STARD9: variants seen among roughly 807,000 people sequenced by gnomAD.
STARD9 encodes the protein stAR-related lipid transfer protein 9.
STARD9 carries 346 observed loss-of-function variants against 399.8 expected under a neutral mutation model. The observed-to-expected ratio is 0.87, with a 90% CI of 0.79 to 0.95. STARD9 has a LOEUF of 0.95. Ranked by LOEUF, STARD9 falls within the 40% of genes least tolerant of loss-of-function variation. STARD9 has a pLI of 0.00. For missense variants in STARD9, 5,832 were observed against 5,667.5 expected, an observed-to-expected ratio of 1.03 and a Z score of -0.93; for synonymous variants, 2,203 against 2,143.5, an observed-to-expected ratio of 1.03 and a Z score of -0.77.
intron 9 of STARD9, among the ~76,000 whole-genome samples, chr15:42,653,549 A>G (rs1201914646): frequency 1.3e-5 from 2 of 152,230 alleles, no homozygotes; most frequent in African/African-American, 2.4e-5. Context: ...CTTATACAGT[A>G]GAACAATTAC....
At position 42,717,027 on chromosome 15, in the gene STARD9, C is replaced by T. The variant is rs778775837; in HGVS notation, c.13473C>T (p.Val4491=). 5.9e-6 allele frequency: 9 copies of T among 1,537,064 alleles called. No homozygotes were observed. The highest frequency in any genetic ancestry group is 3.6e-5 in the South Asian group (3 of 84,050). ...CCTACCAGGATTTGGCCAAGCATGT[C>T]GTGGACACTTCTATGGCTGATGTGA... The part of the protein sequence containing the change: ...SSSYQDLAKH[V]VDTSMADVMA... Residue 4491 remains valine, a synonymous_variant, in exon 28 of 33, where the codon GTC becomes GTT. Coordinates refer to ENST00000290607, the MANE Select transcript of STARD9 (RefSeq NM_020759.3).
At chr15:42,645,897 T>C (rs1170280373) in intron 7 of STARD9, among the ~76,000 whole-genome samples, 1 of 151,902 alleles carries the variant, frequency 6.6e-6, no homozygotes, top group Non-Finnish European at 1.5e-5. Context: ...TGGTGGCTCA[T>C]GCCTGTAATC....
Position 42,684,858 on chromosome 15 carries a change from A to G in STARD9, c.3280A>G (p.Arg1094Gly), listed in dbSNP as rs566007951. 10 of 1,537,076 alleles carry G rather than the reference A, an allele frequency of 6.5e-6. No individual in the cohort carries two copies. In the African/African-American group the frequency reaches 8.2e-5, roughly 13 times the overall value. The change falls in exon 23 of 33, where the codon AGA becomes GGA. Residue 1094 changes from arginine to glycine, a missense_variant. By Grantham distance (125) the Arg-to-Gly change is moderately radical. Coordinates refer to ENST00000290607, the MANE Select transcript of STARD9 (RefSeq NM_020759.3). The stretch of plus-strand genomic sequence containing the variant: ...TTTCAGCCCAGTAATGGATCATTCA[A>G]GAGAAAAAGACAATGATTTATCTGA... Reference protein sequence around the residue: ...TDFSPVMDHSREKDNDLSDTD... With the variant: ...TDFSPVMDHSGEKDNDLSDTD...
intron 26 of STARD9, among the ~76,000 whole-genome samples, chr15:42,697,711 G>A (rs567440386): frequency 4.7e-4 from 71 of 152,266 alleles, no homozygotes; most frequent in African/African-American, 1.7e-3. Context: ...CCTTCAGGCC[G>A]TGTGTATAAG....
At chr15:42,576,536 G>A (rs1039205994) in intron 1 of STARD9, among the ~76,000 whole-genome samples, 1 of 152,178 alleles carries the variant, frequency 6.6e-6, no homozygotes, top group East Asian at 1.9e-4. Flanking sequence ...AAAGGACTTA[G>A]ACTGTAAGGG....
At chr15:42,648,213 A>G (rs886404398) in intron 7 of STARD9, among the ~76,000 whole-genome samples, 1 of 152,160 alleles carries the variant, frequency 6.6e-6, no homozygotes, top group South Asian at 2.1e-4. Context: ...CCCAGGTTAG[A>G]GTGCAGTGGC....
chr15:42,647,554 GCTTT>G (rs1404455957), intron 7 of STARD9, among the ~76,000 whole-genome samples: 1 of 151,982 alleles, frequency 6.6e-6, no homozygotes, highest in African/African-American at 2.4e-5. Context: ...AACGAAACTA[GCTTT>G]CTTTGTGTTA....
chr15:42,630,718 A>G (rs2059316466), intron 3 of STARD9, among the ~76,000 whole-genome samples: 1 of 152,118 alleles, frequency 6.6e-6, no homozygotes, highest in Non-Finnish European at 1.5e-5. Context: ...ATTGGTATAT[A>G]GTCATAGTAG....
intron 23 of STARD9, 54 bp downstream of exon 23, chr15:42,694,396 A>G: frequency 1.3e-6 from 2 of 1,534,496 alleles, no homozygotes; most frequent in South Asian, 2.4e-5. Flanking sequence ...GTGAGGAAAG[A>G]GAACCCAAGA....
At chr15:42,588,275 T>G (rs2058320953) in intron 3 of STARD9, among the ~76,000 whole-genome samples, 1 of 152,088 alleles carries the variant, frequency 6.6e-6, no homozygotes, top group Non-Finnish European at 1.5e-5. Flanking sequence ...AGTTTGGTTG[T>G]GAGTCCCGTA....
At chr15:42,586,114 G>C (rs532548493) in intron 3 of STARD9, among the ~76,000 whole-genome samples, 31 of 152,316 alleles carry the variant, frequency 2.0e-4, no homozygotes, top group African/African-American at 7.2e-4. Context: ...GTCCATTTAG[G>C]CTTGAGCCTC....
intron 3 of STARD9, 83 bp from the exon 4 acceptor site, chr15:42,634,772 TA>T: frequency 1.5e-6 from 1 of 649,234 alleles, no homozygotes; most frequent in Non-Finnish European, 2.5e-6. Flanking sequence ...AAATATTTTA[TA>T]TTTTTTTAGA....
At position 42,688,840 on chromosome 15, in the gene STARD9, A is replaced by G. The variant is rs145276083; in HGVS notation, c.7262A>G (p.Gln2421Arg). ...VRSMAMGSHSQSGVPESIPLG... is the reference protein window; with the variant it reads ...VRSMAMGSHSRSGVPESIPLG... ...TCCATGGCCATGGGATCTCATAGTC[A>G]ATCTGGTGTACCAGAGAGCATTCCT... Residue 2421 changes from glutamine (Q) to arginine (R), a missense_variant, in exon 23 of 33, where the codon CAA (glutamine) becomes CGA (arginine). Around this residue, in one of 2 missense-constraint regions of STARD9, gnomAD observed 5,828 missense variants for 5,651.1 expected, o/e 1.03. Coordinates refer to ENST00000290607, the MANE Select transcript of STARD9 (RefSeq NM_020759.3). 6 of 1,537,300 alleles carry G rather than the reference A, an allele frequency of 3.9e-6. No individual in the cohort carries two copies. The African/African-American group carries it at 8.2e-5, about 21-fold the overall frequency.
intron 3 of STARD9, among the ~76,000 whole-genome samples, chr15:42,629,066 C>G (rs1248559547): frequency 6.6e-6 from 1 of 152,102 alleles, no homozygotes; most frequent in East Asian, 1.9e-4. Context: ...GTTTTCCAGG[C>G]TGGAGTGCAG....
intron 7 of STARD9, among the ~76,000 whole-genome samples, chr15:42,639,830 C>T (rs895709097): frequency 6.6e-6 from 1 of 151,072 alleles, no homozygotes; most frequent in African/African-American, 2.4e-5. Context: ...CGCAACTGCA[C>T]TCCAGCCTGT....
intron 26 of STARD9, among the ~76,000 whole-genome samples, chr15:42,699,359 TTTC>T (rs2060909779): frequency 1.3e-5 from 2 of 151,598 alleles, no homozygotes; most frequent in South Asian, 4.1e-4. Flanking sequence ...ACTATTCTGC[TTTC>T]TTCTTCTATG....
At chr15:42,662,750 G>A (rs2060014947) in intron 10 of STARD9, 44 bp from the exon 11 acceptor site, 1 of 1,274,862 alleles carries the variant, frequency 7.8e-7, no homozygotes, top group Non-Finnish European at 1.1e-6. Flanking sequence ...TAAAGATAGT[G>A]TCTTATTTGC....
At chr15:42,701,588 GATAA>G (rs1172601572) in intron 26 of STARD9, among the ~76,000 whole-genome samples, 2 of 152,074 alleles carry the variant, frequency 1.3e-5, no homozygotes, top group African/African-American at 4.8e-5. Flanking sequence ...TATGTTGATT[GATAA>G]ATAAAAGTAA....
rs1401937496 is a variant in STARD9 at position 42,692,238 on chromosome 15, G to T, written c.10660G>T (p.Ala3554Ser). Residue 3554 changes from alanine (A) to serine (S), a missense_variant, in exon 23 of 33, where the codon GCC becomes TCC. Physicochemically the swap from Ala to Ser is moderately conservative, Grantham distance 99. Transcript: ENST00000290607. ...STENAQGSNE[A>S]WEVFRGSSSI... ...TGAGAATGCCCAGGGTTCAAATGAG[G>T]CCTGGGAAGTATTCCGAGGGAGTTC... is the stretch of plus-strand genomic sequence containing the variant. The T allele has an allele frequency of 1.3e-6, 2 of 1,536,888 alleles. No homozygotes were observed. The highest frequency in any genetic ancestry group is 8.7e-7 in the Non-Finnish European group (1 of 1,146,862).
Sources: gnomAD v4.1 joint callset for allele counts (sites outside exome capture counted in the v4.1 genomes callset) on GRCh38, gnomAD v4.1.1 for gene constraint, gnomAD v4.1.1 regional missense constraint, MANE v1.5 for transcripts, NCBI Gene and HGNC (gene_info 2026-07-23, HGNC 2026-07-21) for gene names.